RIPOR3: variants seen among roughly 807,000 people sequenced by gnomAD.
The protein encoded by RIPOR3 is RIPOR family member 3, also known as family with sequence similarity 65 member C.
In RIPOR3, 95 loss-of-function variants were observed where a neutral mutation model predicts 114.3. That is an observed-to-expected ratio of 0.83 (90% CI 0.70 to 0.99). The LOEUF is 0.99. Among genes scored for constraint, RIPOR3 ranks in the 50% least tolerant of loss-of-function variants. The pLI is 0.00. For synonymous variants in RIPOR3, 575 were observed against 543.8 expected (o/e 1.06, Z -0.80); for missense variants, 1,252 against 1,266.9 (o/e 0.99, Z 0.18).
At chr20:50,609,470 C>G in intron 7 of RIPOR3, 103 bp downstream of exon 7, 3 of 1,476,118 alleles carry the variant, frequency 2.0e-6, no homozygotes, top group Non-Finnish European at 9.0e-7. Context: ...CCTTGGGGCC[C>G]AGAACACCTC....
At chr20:50,640,522 G>A (rs2085151298) in intron 1 of RIPOR3, among the ~76,000 whole-genome samples, 1 of 148,632 alleles carries the variant, frequency 6.7e-6, no homozygotes, top group African/African-American at 2.5e-5. Context: ...CGGGGAGGAT[G>A]TAAATTCAAA....
chr20:50,594,951 C>T (rs1455114007), intron 16 of RIPOR3: 5 of 532,036 alleles, frequency 9.4e-6, no homozygotes, highest in Non-Finnish European at 1.3e-5. Flanking sequence ...CTGTCACCAG[C>T]CTCTCCTTAC....
intron 1 of RIPOR3, among the ~76,000 whole-genome samples, chr20:50,666,226 T>TCTTTTCTTTTCTTTC (rs1555873214): frequency 7.2e-6 from 1 of 139,742 alleles, no homozygotes; most frequent in Non-Finnish European, 1.5e-5. Context: ...TCTTTTCTTT[T>TCTTTTCTTTTCTTTC]TTGAGACGGA....
At chr20:50,595,037 G>A (rs1434684679) in intron 16 of RIPOR3, 10 of 480,428 alleles carry the variant, frequency 2.1e-5, no homozygotes, top group South Asian at 1.2e-4. Flanking sequence ...ACTGTTTGAC[G>A]GCACATTCTG....
At chr20:50,606,861 C>T (rs1184193581) in intron 11 of RIPOR3, among the ~76,000 whole-genome samples, 2 of 152,100 alleles carry the variant, frequency 1.3e-5, no homozygotes, top group East Asian at 3.9e-4. Flanking sequence ...TCCCAAGTAG[C>T]TGAAACTATA....
At chr20:50,660,579 C>A (rs2085958379) in intron 1 of RIPOR3, among the ~76,000 whole-genome samples, 2 of 152,050 alleles carry the variant, frequency 1.3e-5, no homozygotes, top group Admixed American at 1.3e-4. Context: ...CCAACACCTC[C>A]CACTAGGCCC....
chr20:50,654,212 G>T (rs776163849), intron 1 of RIPOR3, among the ~76,000 whole-genome samples: 4 of 151,628 alleles, frequency 2.6e-5, no homozygotes, highest in Admixed American at 6.6e-5. Context: ...TGTCTCCCAG[G>T]CTGGAGTACA....
At chr20:50,598,114 G>A (rs71350689) in intron 13 of RIPOR3, among the ~76,000 whole-genome samples, 16 of 152,178 alleles carry the variant, frequency 1.1e-4, no homozygotes, top group Non-Finnish European at 2.4e-4. Context: ...CCTAAAACAT[G>A]GATATTTATG....
Position 50,616,156 on chromosome 20 carries a change from G to C in RIPOR3, c.270-76C>G. On this transcript the variant is annotated intron_variant, in intron 3 of 21. Coordinates refer to ENST00000327979, the MANE Select transcript of RIPOR3 (RefSeq NM_001290268.2). ...AAAGGAAGTAGGCCAAATGGACAAT[G>C]TCCCCACGTGGAGAGCAGACACGGG... The C allele has an allele frequency of 5.5e-6, 8 of 1,446,098 alleles. No homozygotes were observed. The South Asian group carries it at 9.8e-5, about 18-fold the overall frequency. 89.6% of individuals were successfully genotyped at this position (1,446,098 alleles called of 1,614,324 possible).
intron 1 of RIPOR3, among the ~76,000 whole-genome samples, chr20:50,646,375 A>G (rs1169100618): frequency 6.6e-6 from 1 of 150,390 alleles, no homozygotes; most frequent in African/African-American, 2.5e-5. Flanking sequence ...CAAGCGATTC[A>G]CCCTCCTGGG....
intron 1 of RIPOR3, among the ~76,000 whole-genome samples, chr20:50,640,908 CTTT>C (rs1331789312): frequency 3.0e-5 from 4 of 134,480 alleles, no homozygotes; most frequent in Non-Finnish European, 4.9e-5. Context: ...ATATGCACTT[CTTT>C]TTTTTTTTTT....
In RIPOR3 at chr20:50,596,236, T is replaced by A. The variant is rs757881867; in HGVS notation, c.1818A>T (p.Ser606=). The change falls in exon 15 of 22, where the codon TCA becomes TCT. Residue 606 remains serine, a synonymous_variant. Transcript: ENST00000327979. ...GTTCCCTGGATGACGCTTTCAGTGA[T>A]GACGGTGGGGGCAGGGGCCGGTCCT... ...LRKDRPLPPP[S]SLKASSRELT... 6.2e-7 allele frequency: 1 copy of A among 1,614,172 alleles called. No homozygotes were observed. Among genetic ancestry groups the A allele is most frequent in the East Asian group, 2.2e-5 (1 of 44,880 alleles).
intron 1 of RIPOR3, among the ~76,000 whole-genome samples, chr20:50,664,978 T>C (rs908929902): frequency 2.0e-5 from 3 of 152,096 alleles, no homozygotes; most frequent in Non-Finnish European, 4.4e-5. Flanking sequence ...GGCGCATGCC[T>C]GTAATCCCAG....
intron 1 of RIPOR3, among the ~76,000 whole-genome samples, chr20:50,649,335 C>G (rs1004432579): frequency 2.6e-5 from 4 of 152,172 alleles, no homozygotes; most frequent in African/African-American, 7.2e-5. Context: ...ATCCCAGCTA[C>G]TCGGGAGGCT....
intron 1 of RIPOR3, chr20:50,661,954 G>A (rs1244941541): frequency 6.6e-6 from 1 of 152,330 alleles, no homozygotes; most frequent in Non-Finnish European, 1.5e-5. Flanking sequence ...TGCCACTACA[G>A]TGCGGGGAAG....
chr20:50,673,296 C>T (rs2086583862), intron 1 of RIPOR3, among the ~76,000 whole-genome samples: 1 of 152,160 alleles, frequency 6.6e-6, no homozygotes, highest in Non-Finnish European at 1.5e-5. Context: ...GTAATGGTCC[C>T]TACGTTAGGG....
At chr20:50,611,321 G>A in intron 4 of RIPOR3, 117 bp from the exon 5 acceptor site, 2 of 1,339,718 alleles carry the variant, frequency 1.5e-6, no homozygotes, top group Non-Finnish European at 1.1e-6. Context: ...AGAAAGCCAT[G>A]TCTACAGCCA....
intron 1 of RIPOR3, among the ~76,000 whole-genome samples, chr20:50,632,378 G>C (rs2084846942): frequency 6.6e-6 from 1 of 152,208 alleles, no homozygotes; most frequent in Non-Finnish European, 1.5e-5. Flanking sequence ...GTGTGCAAGA[G>C]ACATGTCGGA....
chr20:50,681,707 G>A (rs6012993), intron 1 of RIPOR3, among the ~76,000 whole-genome samples: 21,007 of 152,162 alleles, frequency 0.14, 1,535 homozygotes, highest in East Asian at 0.22. Flanking sequence ...TCACCACACC[G>A]TTCCCCACAC....
Sources: gnomAD v4.1 joint callset for allele counts (sites outside exome capture counted in the v4.1 genomes callset) on GRCh38, gnomAD v4.1.1 for gene constraint, MANE v1.5 for transcripts, NCBI Gene and HGNC (gene_info 2026-07-23, HGNC 2026-07-21) for gene names.